The following NOL4 variants were observed in gnomAD, a reference collection of about 807,000 sequenced individuals.
NOL4 encodes nucleolar protein 4.
In NOL4, 17 loss-of-function variants were observed where a neutral mutation model predicts 75.9. The ratio of observed to expected loss-of-function variants is 0.22; its 90% CI spans 0.15 to 0.34. NOL4 has a LOEUF of 0.34. Among genes scored for constraint, NOL4 ranks in the 10% least tolerant of loss-of-function variants. The pLI, the probability that NOL4 is intolerant of heterozygous loss-of-function variation, is 1.00. For missense variants in NOL4, 614 were observed against 793.5 expected, an observed-to-expected ratio of 0.77 and a Z score of 2.72; for synonymous variants, 292 against 289.9, an observed-to-expected ratio of 1.01 and a Z score of -0.07.
intron 6 of NOL4, among the ~76,000 whole-genome samples, chr18:34,011,206 A>G (rs2074351919): frequency 6.6e-6 from 1 of 151,758 alleles, no homozygotes; most frequent in Non-Finnish European, 1.5e-5. Flanking sequence ...ATACCTTATG[A>G]ATATGTATGC....
intron 5 of NOL4, among the ~76,000 whole-genome samples, chr18:34,050,265 T>A (rs778195465): frequency 1.0e-4 from 15 of 148,592 alleles, no homozygotes; most frequent in Non-Finnish European, 1.2e-4. Context: ...ATCTAATTAG[T>A]AAAGGGCTTT....
chr18:34,108,642 T>C (rs777877597), intron 2 of NOL4, among the ~76,000 whole-genome samples: 4 of 152,162 alleles, frequency 2.6e-5, no homozygotes, highest in Non-Finnish European at 4.4e-5. Context: ...ATCAAGAAGA[T>C]ATAACAATGG....
chr18:34,178,171 T>G (rs2033720039), intron 1 of NOL4, among the ~76,000 whole-genome samples: 1 of 151,702 alleles, frequency 6.6e-6, no homozygotes. Context: ...GTATAAATGT[T>G]AACTAGATTG....
chr18:33,898,546 T>A (rs573979957), intron 9 of NOL4, among the ~76,000 whole-genome samples: 2 of 152,304 alleles, frequency 1.3e-5, no homozygotes, highest in South Asian at 4.1e-4. Flanking sequence ...TGCCATTTTT[T>A]CTTCTCTTAG....
chr18:34,124,025 T>C (rs2080272414), intron 2 of NOL4, among the ~76,000 whole-genome samples: 3 of 152,144 alleles, frequency 2.0e-5, no homozygotes, highest in African/African-American at 7.2e-5. Flanking sequence ...AAAGTTTTTC[T>C]ATCTCTGTTA....
At chr18:34,026,264 T>C (rs2144580907) in intron 5 of NOL4, among the ~76,000 whole-genome samples, 1 of 152,222 alleles carries the variant, frequency 6.6e-6, no homozygotes, top group South Asian at 2.1e-4. Flanking sequence ...GAATGCCTGG[T>C]TATGCCCTCC....
chr18:33,903,937 A>G (rs1338625024), intron 9 of NOL4, among the ~76,000 whole-genome samples: 1 of 152,156 alleles, frequency 6.6e-6, no homozygotes, highest in Non-Finnish European at 1.5e-5. Flanking sequence ...GGCACATGAA[A>G]TTTTAAAGGG....
chr18:34,125,978 A>C (rs1440520828), intron 2 of NOL4, among the ~76,000 whole-genome samples: 3 of 152,008 alleles, frequency 2.0e-5, no homozygotes, highest in African/African-American at 7.2e-5. Context: ...AAAAAAAAAA[A>C]AATGCCTGCA....
chr18:33,885,844 C>A (rs1033276105), intron 9 of NOL4, among the ~76,000 whole-genome samples: 28 of 152,224 alleles, frequency 1.8e-4, no homozygotes, highest in African/African-American at 6.5e-4. Flanking sequence ...GAAAGAAAAT[C>A]AATTTATCAA....
chr18:34,200,087 GA>G (rs1306113640), intron 1 of NOL4, among the ~76,000 whole-genome samples: 1 of 151,846 alleles, frequency 6.6e-6, no homozygotes, highest in Non-Finnish European at 1.5e-5. Flanking sequence ...TGTCATCACA[GA>G]AGTAAGCAAA....
chr18:34,112,299 G>A (rs1318021130), intron 2 of NOL4, among the ~76,000 whole-genome samples: 1 of 151,934 alleles, frequency 6.6e-6, no homozygotes, highest in Non-Finnish European at 1.5e-5. Flanking sequence ...AACCCGGGAG[G>A]CAGAGTTTGA....
chr18:33,987,054 T>C (rs752772091), intron 6 of NOL4, among the ~76,000 whole-genome samples: 3 of 152,038 alleles, frequency 2.0e-5, no homozygotes, highest in Non-Finnish European at 4.4e-5. Context: ...AAGTGGGAAT[T>C]TGGGGGGATA....
intron 6 of NOL4, among the ~76,000 whole-genome samples, chr18:33,964,791 A>T (rs954490271): frequency 1.1e-4 from 17 of 152,348 alleles, no homozygotes; most frequent in Non-Finnish European, 1.6e-4. Flanking sequence ...TGTAAGAAAA[A>T]TGGCAGAGAG....
intron 5 of NOL4, among the ~76,000 whole-genome samples, chr18:34,087,602 T>C (rs963848048): frequency 4.6e-5 from 7 of 152,092 alleles, no homozygotes; most frequent in African/African-American, 1.7e-4. Context: ...TGTAAATCCA[T>C]TGTCCAACTT....
At chr18:34,111,175 T>C (rs1030309541) in intron 2 of NOL4, among the ~76,000 whole-genome samples, 8 of 152,262 alleles carry the variant, frequency 5.3e-5, no homozygotes, top group African/African-American at 1.9e-4. Context: ...GACTTAAATG[T>C]GTGCATATGT....
intron 10 of NOL4, among the ~76,000 whole-genome samples, chr18:33,858,481 GAT>G (rs1459544751): frequency 6.6e-6 from 1 of 151,694 alleles, no homozygotes; most frequent in Non-Finnish European, 1.5e-5. Context: ...GGTTATACTA[GAT>G]ATTCTATAAG....
chr18:33,860,776 C>T (rs1373772876), intron 10 of NOL4, among the ~76,000 whole-genome samples: 8 of 151,862 alleles, frequency 5.3e-5, no homozygotes, highest in East Asian at 1.9e-4. Flanking sequence ...GGGTTTGTCA[C>T]AGATAGCTCT....
At chr18:34,010,441 G>C (rs1028131963) in intron 6 of NOL4, among the ~76,000 whole-genome samples, 1 of 151,818 alleles carries the variant, frequency 6.6e-6, no homozygotes, top group African/African-American at 2.4e-5. Context: ...TAGCAACTGT[G>C]AATAGTGCTG....
chr18:33,908,063 T>G (rs988025466), intron 9 of NOL4, among the ~76,000 whole-genome samples: 1 of 152,120 alleles, frequency 6.6e-6, no homozygotes, highest in South Asian at 2.1e-4. Flanking sequence ...ATGGTTAGAT[T>G]GATTGTCACA....
Sources: allele counts gnomAD v4.1 joint callset (sites outside exome capture counted in the v4.1 genomes callset), GRCh38; gene constraint gnomAD v4.1.1; transcripts MANE v1.5; gene names NCBI Gene and HGNC (gene_info 2026-07-23, HGNC 2026-07-21).